The following WNT3A variants were observed in gnomAD, a reference collection of about 807,000 sequenced individuals.
The protein encoded by WNT3A is Wnt family member 3A.
WNT3A carries 17 observed loss-of-function variants against 37.0 expected under a neutral mutation model. That is an observed-to-expected ratio of 0.46 (90% CI 0.31 to 0.69). The LOEUF is 0.69. WNT3A is among the 30% of genes least tolerant of loss of function. The probability of loss-of-function intolerance (pLI) is 0.05; values close to 1 mark genes in which losing one functional copy is unlikely to be tolerated. For synonymous variants in WNT3A, 187 were observed against 211.0 expected, an observed-to-expected ratio of 0.89 and a Z score of 0.99; for missense variants, 411 against 510.2, an observed-to-expected ratio of 0.81 and a Z score of 1.87.
At chr1:228,020,214 C>G (rs1025321495) in intron 1 of WNT3A, among the ~76,000 whole-genome samples, 1 of 152,236 alleles carries the variant, frequency 6.6e-6, no homozygotes, top group Non-Finnish European at 1.5e-5. Flanking sequence ...CAGAGCGAGA[C>G]TCCGTCTCAA....
At position 228,038,192 on chromosome 1, in the gene WNT3A, C is replaced by G. The variant is rs1282770077; in HGVS notation, c.314-12464C>G. On this transcript the variant is annotated intron_variant, in intron 2 of 3. Transcript: ENST00000284523. This position sits in a 1 kb window ranked among gnomAD's most constrained non-coding sequence, Gnocchi z 5.7. Reference sequence around the variant, plus strand: ...ATGATTACCAAATGCCACCGCGACACCCCCTCCCGGCCGCCTGGCTCCTCC... The same window carrying G: ...ATGATTACCAAATGCCACCGCGACAGCCCCTCCCGGCCGCCTGGCTCCTCC... Among the ~76,000 whole-genome samples the G allele has an allele frequency of 6.6e-6, 1 of 152,048 alleles. No individual in the cohort carries two copies. The highest frequency in any genetic ancestry group is 2.4e-5 in the African/African-American group (1 of 41,420).
At chr1:228,035,846 G>C (rs947631) in intron 2 of WNT3A, among the ~76,000 whole-genome samples, 96,899 of 152,036 alleles carry the variant, frequency 0.64, 31,441 homozygotes, top group African/African-American at 0.75. Flanking sequence ...CTCCTTCTCC[G>C]CTTCTCTGAT....
chr1:228,019,639 T>C (rs1323008309), intron 1 of WNT3A, among the ~76,000 whole-genome samples: 1 of 152,248 alleles, frequency 6.6e-6, no homozygotes, highest in Non-Finnish European at 1.5e-5. Flanking sequence ...CTGGAAAAGA[T>C]GCAGCCTTTG....
chr1:228,044,826 C>T (rs776594913), intron 2 of WNT3A, among the ~76,000 whole-genome samples: 1 of 152,236 alleles, frequency 6.6e-6, no homozygotes, highest in African/African-American at 2.4e-5. Context: ...TAGGGTCTCA[C>T]GCTTTTCTGG....
chr1:228,039,776 A>C lies in WNT3A; in HGVS notation c.314-10880A>C, dbSNP rs7539664. Reference sequence around the variant, plus strand: ...GGAAGCCTCCAGTCCTAATTCCCTGATGGGCTTCCCAGAGGGGCCAGCCTG... The same window carrying C: ...GGAAGCCTCCAGTCCTAATTCCCTGCTGGGCTTCCCAGAGGGGCCAGCCTG... On this transcript the variant is annotated intron_variant, in intron 2 of 3. Transcript: ENST00000284523. The surrounding 1 kb of genome is among the most constrained non-coding windows in gnomAD (Gnocchi z 4.1). Among the ~76,000 whole-genome samples the C allele has an allele frequency of 0.2, 29,778 of 152,096 alleles. 4,118 individuals carry two copies. Among genetic ancestry groups the C allele is most frequent in the African/African-American group, 0.39 (16,097 of 41,480 alleles).
At chr1:228,023,173 G>A (rs1328215452) in intron 2 of WNT3A, among the ~76,000 whole-genome samples, 1 of 152,222 alleles carries the variant, frequency 6.6e-6, no homozygotes, top group Non-Finnish European at 1.5e-5. Flanking sequence ...CCAGTGGCGG[G>A]GCTGCTCCCA....
rs2031770109 is a variant in WNT3A at position 228,060,075 on chromosome 1, G to A, written c.*610G>A. 1.6e-6 allele frequency: 2 copies of A among 1,217,186 alleles called. No homozygotes were observed. Among genetic ancestry groups the A allele is most frequent in the Non-Finnish European group, 2.1e-6 (2 of 952,916 alleles). The allele number at this position is 1,217,186 out of a possible 1,614,324, so 75.4% of individuals were successfully genotyped here. On this transcript the variant is annotated 3_prime_UTR_variant, in exon 4 of 4. Coordinates refer to ENST00000284523, the MANE Select transcript of WNT3A (RefSeq NM_033131.4). ...GGGGCTGTGGCTCTGGGTGGGCGTG[G>A]CCTGCATAGGCTCCTTCCTGTGGGT...
In WNT3A at chr1:228,039,069, A is replaced by G. The variant is rs2102773051; in HGVS notation, c.314-11587A>G. On this transcript the variant is annotated intron_variant, in intron 2 of 3. Transcript: ENST00000284523. The surrounding 1 kb of genome is among the most constrained non-coding windows in gnomAD (Gnocchi z 4.1). ...CCACCATGGAGTCCTGCCCTCGGCC[A>G]GTGCATCCCTGCCAGAGCTGGGGGT... 6.6e-6 allele frequency among the ~76,000 whole-genome samples: 1 copy of G among 152,256 alleles called. No individual in the cohort carries two copies. The highest frequency in any genetic ancestry group is 1.5e-5 in the Non-Finnish European group (1 of 68,002).
At chr1:228,044,645 C>T (rs2031360357) in intron 2 of WNT3A, among the ~76,000 whole-genome samples, 1 of 152,204 alleles carries the variant, frequency 6.6e-6, no homozygotes, top group African/African-American at 2.4e-5. Flanking sequence ...ATTGTGTGTC[C>T]CATTTCAGGC....
intron 3 of WNT3A, among the ~76,000 whole-genome samples, chr1:228,054,627 CAA>C (rs61497242): frequency 3.2e-4 from 19 of 58,516 alleles, no homozygotes; most frequent in Non-Finnish European, 4.1e-4. Context: ...GACTCTGTCT[CAA>C]AAAAAAAAAA....
chr1:228,023,434 C>G (rs1774757), intron 2 of WNT3A, among the ~76,000 whole-genome samples: 112,027 of 151,770 alleles, frequency 0.74, 42,123 homozygotes, highest in East Asian at 0.9. Flanking sequence ...GACACACACA[C>G]AGAGAGACAA....
At chr1:228,054,541 T>C (rs140157352) in intron 3 of WNT3A, among the ~76,000 whole-genome samples, 8,378 of 143,340 alleles carry the variant, frequency 0.058, 796 homozygotes, top group African/African-American at 0.2. Context: ...GGCAGGAGAA[T>C]GGCGTGAACC....
At chr1:228,014,160 G>A (rs1290902507) in intron 1 of WNT3A, among the ~76,000 whole-genome samples, 1 of 152,220 alleles carries the variant, frequency 6.6e-6, no homozygotes, top group Non-Finnish European at 1.5e-5. Flanking sequence ...ACATCCAGCA[G>A]GGCAGCAGGG....
At chr1:228,046,667 A>G (rs1399353067) in intron 2 of WNT3A, among the ~76,000 whole-genome samples, 1 of 134,956 alleles carries the variant, frequency 7.4e-6, no homozygotes, top group Non-Finnish European at 1.6e-5. Context: ...TGTGGGGGGG[A>G]TGTGCATGTA....
At chr1:228,029,748 C>T (rs536508366) in intron 2 of WNT3A, among the ~76,000 whole-genome samples, 3 of 151,382 alleles carry the variant, frequency 2.0e-5, no homozygotes, top group African/African-American at 7.3e-5. Context: ...CCACCCCCCC[C>T]CCAATTCCTA....
chr1:228,012,315 C>T (rs2030397494), intron 1 of WNT3A, among the ~76,000 whole-genome samples: 1 of 152,176 alleles, frequency 6.6e-6, no homozygotes, highest in Admixed American at 6.5e-5. Context: ...CATGCAGAGC[C>T]CAAATGTGAA....
At chr1:228,017,683 A>T (rs2030573642) in intron 1 of WNT3A, among the ~76,000 whole-genome samples, 1 of 152,240 alleles carries the variant, frequency 6.6e-6, no homozygotes, top group Non-Finnish European at 1.5e-5. Context: ...CCTAGACGAC[A>T]GAGCAAGACT....
chr1:228,047,416 G>A (rs936154793), intron 2 of WNT3A, among the ~76,000 whole-genome samples: 4 of 152,166 alleles, frequency 2.6e-5, no homozygotes, highest in Non-Finnish European at 4.4e-5. Flanking sequence ...AGCAACGTGC[G>A]TTCTTCTGTG....
In WNT3A at chr1:228,059,917, G is replaced by A; in HGVS notation, c.*452G>A. ...CCTCCTGAAGGAGGCGGGGCTCTAG[G>A]ATGGGGCACGGCTCTGGGGTAGGCT... On this transcript the variant is annotated 3_prime_UTR_variant, in exon 4 of 4. Coordinates refer to ENST00000284523, the MANE Select transcript of WNT3A (RefSeq NM_033131.4). The A allele has an allele frequency of 9.5e-7, 1 of 1,050,534 alleles. No homozygotes were observed. 65.1% of individuals were successfully genotyped at this position (1,050,534 alleles called of 1,614,324 possible).
Sources: gnomAD v4.1 joint callset for allele counts (sites outside exome capture counted in the v4.1 genomes callset) on GRCh38, gnomAD v4.1.1 for gene constraint, Gnocchi (gnomAD v3.1) non-coding constraint, MANE v1.5 for transcripts, NCBI Gene and HGNC (gene_info 2026-07-23, HGNC 2026-07-21) for gene names.